Variants in SBF2 observed in about 807,000 individuals in gnomAD.
The protein encoded by SBF2 is myotubularin-related protein 13.
Under a neutral mutation model 225.2 loss-of-function variants are expected in SBF2, and 112 were observed. The ratio of observed to expected loss-of-function variants is 0.50; its 90% CI spans 0.43 to 0.58. The LOEUF is 0.58. Among genes scored for constraint, SBF2 ranks in the 20% least tolerant of loss-of-function variants. The probability of loss-of-function intolerance (pLI) is 0.00; values close to 1 mark genes in which losing one functional copy is unlikely to be tolerated. For missense variants in SBF2, 1,996 were observed against 2,206.2 expected, an observed-to-expected ratio of 0.90 and a Z score of 1.91; for synonymous variants, 763 against 773.3, an observed-to-expected ratio of 0.99 and a Z score of 0.22.
intron 1 of SBF2, among the ~76,000 whole-genome samples, chr11:10,279,127 A>C (rs1195018902): frequency 6.7e-6 from 1 of 150,298 alleles, no homozygotes; most frequent in African/African-American, 2.4e-5. Context: ...AAAAAAAAAA[A>C]AAAGCCAGGC....
intron 13 of SBF2, among the ~76,000 whole-genome samples, chr11:9,972,574 G>A (rs565891785): frequency 5.9e-5 from 9 of 152,234 alleles, no homozygotes; most frequent in Admixed American, 5.9e-4. Context: ...TCTGCCTCCC[G>A]GGTTCAAGTG....
intron 1 of SBF2, among the ~76,000 whole-genome samples, chr11:10,201,842 A>G (rs2135355547): frequency 6.6e-6 from 1 of 152,330 alleles, no homozygotes; most frequent in Admixed American, 6.5e-5. Flanking sequence ...CTAAAAATAC[A>G]ATCACTGGGT....
chr11:10,071,265 C>CTTT (rs945479458), intron 2 of SBF2, among the ~76,000 whole-genome samples: 43 of 103,054 alleles, frequency 4.2e-4, no homozygotes, highest in African/African-American at 9.8e-4. Flanking sequence ...CTCTCTCTCT[C>CTTT]TTTTTTTTTT....
chr11:10,056,846 G>C (rs1183811984), intron 2 of SBF2, among the ~76,000 whole-genome samples: 2 of 152,146 alleles, frequency 1.3e-5, no homozygotes, highest in Non-Finnish European at 2.9e-5. Context: ...TCTAGTCTTT[G>C]GGCTTTGGAG....
intron 3 of SBF2, among the ~76,000 whole-genome samples, chr11:10,032,226 C>G (rs1303883117): frequency 1.3e-5 from 2 of 152,266 alleles, no homozygotes; most frequent in East Asian, 1.9e-4. Flanking sequence ...ATATGATTCT[C>G]CCGCTTAACA....
intron 6 of SBF2, among the ~76,000 whole-genome samples, chr11:10,011,861 C>T (rs1242857087): frequency 6.6e-6 from 1 of 152,110 alleles, no homozygotes; most frequent in South Asian, 2.1e-4. Context: ...CTTCATTGTG[C>T]TTCTTGGGTC....
chr11:10,289,812 C>A (rs2135582766), intron 1 of SBF2, among the ~76,000 whole-genome samples: 1 of 152,292 alleles, frequency 6.6e-6, no homozygotes, highest in East Asian at 1.9e-4. Flanking sequence ...AGCTCCGCCT[C>A]CTCCTCACAC....
intron 36 of SBF2, among the ~76,000 whole-genome samples, chr11:9,786,402 T>C (rs1027684574): frequency 6.6e-6 from 1 of 152,124 alleles, no homozygotes; most frequent in Non-Finnish European, 1.5e-5. Context: ...TTAGAAAAAA[T>C]CAATAAACTA....
chr11:10,295,425 A>G (rs553168752), upstream of SBF2, among the ~76,000 whole-genome samples: 71 of 152,250 alleles, frequency 4.7e-4, no homozygotes, highest in African/African-American at 1.6e-3. Flanking sequence ...TCTCTGCCAC[A>G]CTTGTTTCAT....
intron 27 of SBF2, among the ~76,000 whole-genome samples, chr11:9,830,021 T>C (rs965738170): frequency 3.3e-5 from 5 of 152,148 alleles, no homozygotes; most frequent in African/African-American, 1.2e-4. Flanking sequence ...TAAAGATTTG[T>C]AGAGGGAAGA....
chr11:9,794,738 T>C (rs1319108084), intron 33 of SBF2, among the ~76,000 whole-genome samples: 1 of 126,908 alleles, frequency 7.9e-6, no homozygotes, highest in Non-Finnish European at 1.6e-5. Flanking sequence ...TAACCAGTTA[T>C]ACTTACTACC....
chr11:9,805,830 G>A (rs761939554), intron 32 of SBF2, among the ~76,000 whole-genome samples: 3 of 152,072 alleles, frequency 2.0e-5, no homozygotes, highest in Non-Finnish European at 4.4e-5. Flanking sequence ...CACCATGTTG[G>A]CCAGGATGGT....
At chr11:9,987,813 G>C (rs182485122) in intron 13 of SBF2, among the ~76,000 whole-genome samples, 39 of 152,262 alleles carry the variant, frequency 2.6e-4, no homozygotes, top group African/African-American at 7.7e-4. Flanking sequence ...TGGATGGGTA[G>C]AACCAGTATT....
rs184799034 is a variant in SBF2, at chr11:10,109,036, T to C, written c.142-66055A>G. On this transcript the variant is annotated intron_variant, in intron 2 of 39. Transcript: ENST00000256190. The stretch of plus-strand genomic sequence containing the variant: ...TAGGAACCTCCAAAGGCTGGCCCCT[T>C]CCAAGCCTCTTACAATATCTACAAT... 4.0e-3 allele frequency among the ~76,000 whole-genome samples: 614 copies of C among 152,284 alleles called. 4 individuals carry two copies. The highest frequency in any genetic ancestry group is 0.027 in the Middle Eastern group (8 of 294).
At chr11:9,830,193 C>G (rs1042907735) in intron 27 of SBF2, among the ~76,000 whole-genome samples, 2 of 152,188 alleles carry the variant, frequency 1.3e-5, no homozygotes, top group Non-Finnish European at 2.9e-5. Context: ...TCGGCCCAGA[C>G]AGTTTAAAGA....
At chr11:10,065,236 C>G (rs1420390482) in intron 2 of SBF2, among the ~76,000 whole-genome samples, 1 of 151,800 alleles carries the variant, frequency 6.6e-6, no homozygotes, top group Non-Finnish European at 1.5e-5. Flanking sequence ...ATGAAAACAA[C>G]CTATAAAAAT....
At chr11:10,239,080 GTATAA>G (rs1449281845) in intron 1 of SBF2, among the ~76,000 whole-genome samples, 12 of 150,564 alleles carry the variant, frequency 8.0e-5, no homozygotes, top group East Asian at 3.9e-4. Flanking sequence ...GTATATACAT[GTATAA>G]TATATGTATA....
intron 2 of SBF2, among the ~76,000 whole-genome samples, chr11:10,173,493 C>A (rs190717636): frequency 1.2e-4 from 18 of 152,324 alleles, no homozygotes; most frequent in South Asian, 8.3e-4. Context: ...TATCCCCCAC[C>A]TGGCTGGGAG....
intron 2 of SBF2, among the ~76,000 whole-genome samples, chr11:10,151,097 T>C (rs546769870): frequency 6.6e-6 from 1 of 152,250 alleles, no homozygotes; most frequent in South Asian, 2.1e-4. Context: ...CATGTCTATA[T>C]GTTATCAAAT....
Sources: allele counts gnomAD v4.1 joint callset (sites outside exome capture counted in the v4.1 genomes callset), GRCh38; gene constraint gnomAD v4.1.1; transcripts MANE v1.5; gene names NCBI Gene and HGNC (gene_info 2026-07-23, HGNC 2026-07-21).